FOXN3: variants seen among roughly 807,000 people sequenced by gnomAD.
FOXN3 encodes the protein forkhead box N3, also known as forkhead box protein N3.
In FOXN3, 7 loss-of-function variants were observed where a neutral mutation model predicts 38.4. That is an observed-to-expected ratio of 0.18 (90% CI 0.10 to 0.34). The LOEUF is 0.34. FOXN3 is among the 10% of genes least tolerant of loss of function. The pLI, the probability that FOXN3 is intolerant of heterozygous loss-of-function variation, is 1.00. For missense variants in FOXN3, 456 were observed against 613.4 expected, an observed-to-expected ratio of 0.74 and a Z score of 2.71; for synonymous variants, 230 against 242.2, an observed-to-expected ratio of 0.95 and a Z score of 0.47.
chr14:89,581,093 G>C (rs909423193), intron 1 of FOXN3, among the ~76,000 whole-genome samples: 3 of 151,834 alleles, frequency 2.0e-5, no homozygotes, highest in Admixed American at 1.3e-4. Context: ...GGGGTGGAAG[G>C]ATCACTTGAG....
chr14:89,575,038 A>G (rs1895576054), intron 1 of FOXN3, among the ~76,000 whole-genome samples: 1 of 152,212 alleles, frequency 6.6e-6, no homozygotes. Flanking sequence ...AGGTAAGAAA[A>G]TCACGAAGTG....
intron 1 of FOXN3, among the ~76,000 whole-genome samples, chr14:89,444,582 C>G (rs1892455829): frequency 6.6e-6 from 1 of 152,138 alleles, no homozygotes; most frequent in Admixed American, 6.5e-5. Context: ...CTCTCTCTGT[C>G]AAAACCCAAT....
intron 1 of FOXN3, among the ~76,000 whole-genome samples, chr14:89,448,274 G>A (rs527974881): frequency 1.9e-4 from 29 of 152,016 alleles, no homozygotes; most frequent in Non-Finnish European, 3.8e-4. Context: ...ATTTCTTCCC[G>A]CCCCACGCCC....
chr14:89,249,252 A>G (rs964286747), intron 4 of FOXN3, among the ~76,000 whole-genome samples: 2 of 152,200 alleles, frequency 1.3e-5, no homozygotes, highest in African/African-American at 2.4e-5. Flanking sequence ...CACCTGTAGC[A>G]GGAAAGGCTT....
intron 1 of FOXN3, among the ~76,000 whole-genome samples, chr14:89,552,874 GA>G (rs1336179727): frequency 6.6e-6 from 1 of 152,178 alleles, no homozygotes; most frequent in Admixed American, 6.5e-5. Context: ...CTGGGTAAAA[GA>G]GCGAGACTCC....
chr14:89,198,449 A>T (rs954534456), intron 4 of FOXN3, among the ~76,000 whole-genome samples: 16 of 152,198 alleles, frequency 1.1e-4, no homozygotes, highest in Non-Finnish European at 2.4e-4. Context: ...TTTTAGGGCC[A>T]AAGGGATAAG....
intron 2 of FOXN3, among the ~76,000 whole-genome samples, chr14:89,393,612 C>T (rs1301940913): frequency 6.6e-6 from 1 of 152,186 alleles, no homozygotes; most frequent in Non-Finnish European, 1.5e-5. Flanking sequence ...CACCTCAGCA[C>T]CAGGGTATAC....
At chr14:89,372,370 G>A (rs752123919) in intron 2 of FOXN3, among the ~76,000 whole-genome samples, 3 of 152,144 alleles carry the variant, frequency 2.0e-5, no homozygotes, top group Non-Finnish European at 4.4e-5. Flanking sequence ...AGAATTCCTT[G>A]TAAGTGCATC....
intron 1 of FOXN3, among the ~76,000 whole-genome samples, chr14:89,519,067 T>C (rs537210356): frequency 1.1e-4 from 16 of 152,090 alleles, no homozygotes; most frequent in African/African-American, 2.9e-4. Context: ...TATAGAGCTA[T>C]GGATGAACAC....
intron 4 of FOXN3, among the ~76,000 whole-genome samples, chr14:89,279,923 T>C (rs1041451274): frequency 6.6e-6 from 1 of 152,174 alleles, no homozygotes; most frequent in Non-Finnish European, 1.5e-5. Context: ...TTCTTAACCA[T>C]ACTTATCTCC....
At chr14:89,292,990 T>C (rs1886922261) in intron 3 of FOXN3, among the ~76,000 whole-genome samples, 1 of 152,170 alleles carries the variant, frequency 6.6e-6, no homozygotes. Flanking sequence ...CTCCCACTCT[T>C]CTTGCCGGAC....
At chr14:89,267,820 G>A (rs546736159) in intron 4 of FOXN3, among the ~76,000 whole-genome samples, 44 of 152,266 alleles carry the variant, frequency 2.9e-4, no homozygotes, top group African/African-American at 9.9e-4. Context: ...TGTTGGCGGT[G>A]GGGGCCGTGG....
At chr14:89,472,326 C>A (rs1225831800) in intron 1 of FOXN3, among the ~76,000 whole-genome samples, 1 of 152,000 alleles carries the variant, frequency 6.6e-6, no homozygotes, top group Admixed American at 6.6e-5. Context: ...TGTTACCCCA[C>A]AACCCAGCCA....
chr14:89,346,074 T>C (rs1055479213), intron 3 of FOXN3, among the ~76,000 whole-genome samples: 7 of 152,116 alleles, frequency 4.6e-5, no homozygotes, highest in African/African-American at 1.7e-4. Flanking sequence ...AAAAGAATAA[T>C]GGCCTCCAGC....
At position 89,160,886 on chromosome 14, in the gene FOXN3, AAAAAACAAAAACAAAAAAC is replaced by A. The variant is rs1443961157; in HGVS notation, c.*1509_*1527del. The A allele has an allele frequency of 1.2e-4, 18 of 152,384 alleles. No homozygotes were observed. Among genetic ancestry groups the A allele is most frequent in the Non-Finnish European group, 1.9e-4 (13 of 68,018 alleles). The allele number at this position is 152,384 out of a possible 1,614,324, so 9.4% of individuals were successfully genotyped here. Reference sequence around the variant, plus strand: ...AAAACCAAAACAAAATAACCCGAAAAAAAAACAAAAACAAAAAACAAAAACAAAAACAAAAAGGAAAAAA... The same window carrying A: ...AAAACCAAAACAAAATAACCCGAAAAAAAAACAAAAACAAAAAGGAAAAAA... On this transcript the variant is annotated 3_prime_UTR_variant, in exon 6 of 6. Coordinates refer to ENST00000557258, the MANE Select transcript of FOXN3 (RefSeq NM_005197.4).
Position 89,484,852 on chromosome 14 carries a change from G to A in FOXN3, c.-14-72362C>T, listed in dbSNP as rs778605123. 6.6e-6 allele frequency among the ~76,000 whole-genome samples: 1 copy of A among 152,214 alleles called. No homozygotes were observed. The highest frequency in any genetic ancestry group is 6.5e-5 in the Admixed American group (1 of 15,286). On this transcript the variant is annotated intron_variant, in intron 1 of 6. Coordinates refer to the FOXN3 transcript ENST00000345097. This position sits in a 1 kb window ranked among gnomAD's most constrained non-coding sequence, Gnocchi z 4.0. Reference sequence around the variant, plus strand: ...TCTCAGTAGCACCTTTAAGACCCAGGACAGGCCAGGTGTGGTAGCTCATGC... The same window carrying A: ...TCTCAGTAGCACCTTTAAGACCCAGAACAGGCCAGGTGTGGTAGCTCATGC...
At chr14:89,360,701 C>CACCACCTCCAGCACT (rs1889453464) in intron 2 of FOXN3, among the ~76,000 whole-genome samples, 1 of 146,858 alleles carries the variant, frequency 6.8e-6, no homozygotes, top group African/African-American at 2.5e-5. Flanking sequence ...CCTCAGCTAC[C>CACCACCTCCAGCACT]ACCACCTCCA....
rs117066831 is a variant in FOXN3 at position 89,435,138 on chromosome 14, T to A, written c.-14-22648A>T. 2.6e-5 allele frequency among the ~76,000 whole-genome samples: 4 copies of A among 152,012 alleles called. No homozygotes were observed. The East Asian group carries it at 7.7e-4, about 29-fold the overall frequency. ...GGCTTATGACTACAATCCCAATACTTTGGGAGGCTGCGGAGGGGAGGATTG... is the reference window on the plus strand; with the variant it reads ...GGCTTATGACTACAATCCCAATACTATGGGAGGCTGCGGAGGGGAGGATTG... On this transcript the variant is annotated intron_variant, in intron 1 of 6. Transcript: ENST00000345097.
intron 3 of FOXN3, chr14:89,291,495 C>T (rs1886870256): frequency 1.7e-6 from 1 of 596,124 alleles, no homozygotes; most frequent in South Asian, 1.4e-5. Flanking sequence ...CTCTTGCTTA[C>T]CCCGCCATCC....
Sources: allele counts gnomAD v4.1 joint callset (sites outside exome capture counted in the v4.1 genomes callset), GRCh38; gene constraint gnomAD v4.1.1; non-coding constraint Gnocchi (gnomAD v3.1); transcripts MANE v1.5; gene names NCBI Gene and HGNC (gene_info 2026-07-23, HGNC 2026-07-21).